Variants in NOL10 observed in about 807,000 individuals in gnomAD.
The protein encoded by NOL10 is nucleolar protein 10.
In NOL10, 58 loss-of-function variants were observed where a neutral mutation model predicts 103.5. The ratio of observed to expected loss-of-function variants is 0.56; its 90% CI spans 0.45 to 0.70. The LOEUF is 0.70. Among genes scored for constraint, NOL10 ranks in the 30% least tolerant of loss-of-function variants. NOL10 has a pLI of 0.00. For synonymous variants in NOL10, 287 were observed against 282.5 expected (o/e 1.02, Z -0.16); for missense variants, 763 against 807.3 (o/e 0.95, Z 0.67).
chr2:10,644,386 C>A lies in NOL10; in HGVS notation c.974-14G>T, dbSNP rs1218728288. 1 of 1,527,600 alleles carries A rather than the reference C, an allele frequency of 6.5e-7. No individual in the cohort carries two copies. Among genetic ancestry groups the A allele is most frequent in the Non-Finnish European group, 8.8e-7 (1 of 1,138,486 alleles). The allele number at this position is 1,527,600 out of a possible 1,614,324, so 94.6% of individuals were successfully genotyped here. ...TCAGAAGCATGCCTAAAAATAAATA[C>A]AATGAAAAAGGTCAATGCATAGGAA... On this transcript the variant is annotated splice_polypyrimidine_tract_variant and intron_variant, in intron 12 of 20. Transcript: ENST00000381685.
At chr2:10,603,191 T>C (rs758862477) in intron 14 of NOL10, 34 bp from the exon 15 acceptor site, 4 of 1,482,606 alleles carry the variant, frequency 2.7e-6, no homozygotes, top group African/African-American at 1.4e-5. Context: ...AGCAGGTCCT[T>C]ATGCAATCTT....
intron 8 of NOL10, among the ~76,000 whole-genome samples, chr2:10,663,576 C>CAA (rs1680357345): frequency 6.6e-6 from 1 of 151,762 alleles, no homozygotes; most frequent in Non-Finnish European, 1.5e-5. Flanking sequence ...AAAGAAAATG[C>CAA]AAAATATATA....
chr2:10,629,035 C>T (rs1030572746), intron 13 of NOL10, among the ~76,000 whole-genome samples: 1 of 152,066 alleles, frequency 6.6e-6, no homozygotes, highest in Admixed American at 6.6e-5. Context: ...GAATGGACAG[C>T]CACGTAAGTG....
At chr2:10,601,255 G>A (rs1171882791) in intron 16 of NOL10, among the ~76,000 whole-genome samples, 1 of 152,102 alleles carries the variant, frequency 6.6e-6, no homozygotes, top group African/African-American at 2.4e-5. Flanking sequence ...AGTAGAGACG[G>A]GGTTTCACTG....
chr2:10,677,182 GC>G (rs1681365870), intron 3 of NOL10, among the ~76,000 whole-genome samples: 2 of 152,038 alleles, frequency 1.3e-5, no homozygotes, highest in South Asian at 4.2e-4. Flanking sequence ...CAGGTGATCT[GC>G]CTGTCTCCGC....
chr2:10,591,997 CACAA>C (rs70953315), intron 17 of NOL10, among the ~76,000 whole-genome samples: 36,042 of 88,610 alleles, frequency 0.41, 5,937 homozygotes, highest in African/African-American at 0.57. Flanking sequence ...GAGACCTTGT[CACAA>C]ACAAACAAAC....
intron 19 of NOL10, 108 bp from the exon 20 acceptor site, chr2:10,577,846 T>A: frequency 1.4e-6 from 1 of 691,852 alleles, no homozygotes; most frequent in Non-Finnish European, 2.5e-6. Context: ...TTTACACATG[T>A]AAACAGAAAA....
At chr2:10,585,011 A>G (rs1674950440) in intron 19 of NOL10, among the ~76,000 whole-genome samples, 1 of 152,176 alleles carries the variant, frequency 6.6e-6, no homozygotes, top group Non-Finnish European at 1.5e-5. Context: ...GTTACACTCA[A>G]AACAACTGCT....
At chr2:10,671,366 T>C (rs1162386642) in intron 6 of NOL10, among the ~76,000 whole-genome samples, 188 bp downstream of exon 6, 2 of 151,802 alleles carry the variant, frequency 1.3e-5, no homozygotes, top group Non-Finnish European at 2.9e-5. Context: ...AGTAAACCAA[T>C]ATGTAGAAAA....
chr2:10,662,410 T>C (rs1680270896), intron 9 of NOL10, among the ~76,000 whole-genome samples: 1 of 152,240 alleles, frequency 6.6e-6, no homozygotes, highest in Admixed American at 6.5e-5. Flanking sequence ...CCTGAGGTTA[T>C]GTTTTCTGTA....
chr2:10,634,372 G>A (rs556819545), intron 13 of NOL10, among the ~76,000 whole-genome samples: 28 of 152,304 alleles, frequency 1.8e-4, no homozygotes, highest in African/African-American at 6.5e-4. Context: ...TGCGCTCTAA[G>A]CCTAGACAGC....
At chr2:10,665,009 C>G (rs1680484446) in intron 8 of NOL10, among the ~76,000 whole-genome samples, 1 of 152,168 alleles carries the variant, frequency 6.6e-6, no homozygotes, top group Non-Finnish European at 1.5e-5. Context: ...AAAACAAAAA[C>G]ATAAACAAAG....
rs574779654 is a variant in NOL10, at chr2:10,687,094, A to G, written c.67-2482T>C. 2.1e-5 allele frequency among the ~76,000 whole-genome samples: 3 copies of G among 140,494 alleles called. No homozygotes were observed. The South Asian group carries it at 6.9e-4, about 32-fold the overall frequency. The allele number at this position is 140,494 out of a possible 152,430, so 92.2% of individuals were successfully genotyped here. ...CATTAATAAAAAGGTAAAGCCCAGA[A>G]GGAGAGAAGCAATATTTGCACAGAT... On this transcript the variant is annotated intron_variant, in intron 1 of 20. Transcript: ENST00000381685.
intron 19 of NOL10, among the ~76,000 whole-genome samples, chr2:10,583,500 C>A (rs1674867839): frequency 6.6e-6 from 1 of 152,236 alleles, no homozygotes; most frequent in African/African-American, 2.4e-5. Flanking sequence ...CTGAATGTGA[C>A]ACAGAAGACG....
intron 13 of NOL10, among the ~76,000 whole-genome samples, chr2:10,623,814 T>C (rs780522815): frequency 1.3e-5 from 2 of 152,196 alleles, no homozygotes; most frequent in Non-Finnish European, 2.9e-5. Flanking sequence ...AAATAAATGA[T>C]ATTTGCAAAT....
intron 13 of NOL10, among the ~76,000 whole-genome samples, chr2:10,641,968 G>A (rs75015576): frequency 0.035 from 5,323 of 152,306 alleles, 128 homozygotes; most frequent in Middle Eastern, 0.071. Context: ...TTGACATGCA[G>A]AAGGGATCTA....
intron 20 of NOL10, among the ~76,000 whole-genome samples, chr2:10,574,438 G>A (rs1296752459): frequency 6.6e-6 from 1 of 152,162 alleles, no homozygotes; most frequent in African/African-American, 2.4e-5. Flanking sequence ...ATGAGGTCAG[G>A]AGATCAAGAT....
rs962271704 is a variant in NOL10, at chr2:10,603,945, C to A, written c.1154-788G>T. 2.6e-5 allele frequency among the ~76,000 whole-genome samples: 4 copies of A among 152,306 alleles called. No homozygotes were observed. The South Asian group carries it at 6.2e-4, about 24-fold the overall frequency. On this transcript the variant is annotated intron_variant, in intron 14 of 20. Transcript: ENST00000381685. ...ATTTACGATATATGTCAGTGGTCCC[C>A]AACCTTTTTGGCACCAGGGACTGGT...
chr2:10,649,653 G>A lies in NOL10; in HGVS notation c.973+4828C>T, dbSNP rs551776737. ...TTCATAATTAAATACTGTGGATAAA[G>A]TGACCATTTTTGTTTATATTAGTAA... is the stretch of plus-strand genomic sequence containing the variant. On this transcript the variant is annotated intron_variant, in intron 12 of 20. Transcript: ENST00000381685. Among the ~76,000 whole-genome samples the A allele has an allele frequency of 3.2e-3, 483 of 152,170 alleles. 5 individuals are homozygous for A. The highest frequency in any genetic ancestry group is 0.031 in the Middle Eastern group (9 of 294).
Sources: allele counts gnomAD v4.1 joint callset (sites outside exome capture counted in the v4.1 genomes callset), GRCh38; gene constraint gnomAD v4.1.1; transcripts MANE v1.5; gene names NCBI Gene and HGNC (gene_info 2026-07-23, HGNC 2026-07-21).